The following DSCAM variants were observed in gnomAD, a reference collection of about 807,000 sequenced individuals.
DSCAM encodes cell adhesion molecule DSCAM.
Under a neutral mutation model 217.7 loss-of-function variants are expected in DSCAM, and 47 were observed. The observed-to-expected ratio is 0.22, with a 90% CI of 0.17 to 0.28. The LOEUF (loss-of-function observed/expected upper bound fraction) is 0.28. DSCAM is among the 10% of genes least tolerant of loss of function. DSCAM has a pLI of 1.00. For missense variants in DSCAM, 2,080 were observed against 2,618.3 expected, an observed-to-expected ratio of 0.79 and a Z score of 4.49; for synonymous variants, 1,056 against 1,015.3, an observed-to-expected ratio of 1.04 and a Z score of -0.76.
At chr21:40,481,043 T>A (rs2145987102) in intron 3 of DSCAM, among the ~76,000 whole-genome samples, 1 of 152,330 alleles carries the variant, frequency 6.6e-6, no homozygotes, top group African/African-American at 2.4e-5. Flanking sequence ...CCGCACCAGA[T>A]GCGGCCCTTT....
Position 40,152,130 on chromosome 21 carries a change from C to A in DSCAM, c.3019-7399G>T, listed in dbSNP as rs201079920. 6.0e-3 allele frequency among the ~76,000 whole-genome samples: 877 copies of A among 147,142 alleles called. 5 individuals are homozygous for A. Among genetic ancestry groups the A allele is most frequent in the Middle Eastern group, 0.024 (7 of 290 alleles). On this transcript the variant is annotated intron_variant, in intron 16 of 32. Coordinates refer to ENST00000400454, the MANE Select transcript of DSCAM (RefSeq NM_001389.5). ...GTAAGCATATGGAAAAAAAAAAACACAAAAAAAACAAAAAACTAAGGGCTC... is the reference window on the plus strand; with the variant it reads ...GTAAGCATATGGAAAAAAAAAAACAAAAAAAAAACAAAAAACTAAGGGCTC...
chr21:40,818,343 G>T (rs2091899913), intron 1 of DSCAM, among the ~76,000 whole-genome samples: 1 of 151,234 alleles, frequency 6.6e-6, no homozygotes, highest in African/African-American at 2.4e-5. Flanking sequence ...TCAGGAGAAT[G>T]AGACCATCCT....
At chr21:40,079,934 T>C (rs2089429955) in intron 25 of DSCAM, among the ~76,000 whole-genome samples, 2 of 152,032 alleles carry the variant, frequency 1.3e-5, no homozygotes, top group Non-Finnish European at 2.9e-5. Flanking sequence ...CTGACATTCT[T>C]CTTTTTAACT....
chr21:40,698,869 TAAAAAAAA>T (rs56775350), intron 2 of DSCAM, among the ~76,000 whole-genome samples: 1 of 107,970 alleles, frequency 9.3e-6, no homozygotes, highest in Non-Finnish European at 1.8e-5. Context: ...GAATCCGTCT[TAAAAAAAA>T]AAAAAAAAAA....
chr21:40,025,410 C>CT (rs1392477080), intron 32 of DSCAM, among the ~76,000 whole-genome samples: 3 of 144,348 alleles, frequency 2.1e-5, no homozygotes, highest in Non-Finnish European at 4.5e-5. Flanking sequence ...AGGATTCCCT[C>CT]TTTTTCTATT....
At position 40,133,966 on chromosome 21, in the gene DSCAM, C is replaced by T. The variant is rs1276436709; in HGVS notation, c.3450G>A (p.Leu1150=). The T allele has an allele frequency of 1.9e-6, 3 of 1,613,280 alleles. No individual in the cohort carries two copies. The African/African-American group carries it at 4.0e-5, about 22-fold the overall frequency. The change falls in exon 19 of 33, where the codon CTG becomes CTA. Residue 1150 remains leucine, a synonymous_variant. Transcript: ENST00000400454. Reference sequence around the variant, plus strand: ...TGTACTTTTCCAGCCCGTCCAGCTCCAGTGAAGGCTGTGTGGTGGTGATGT... The same window carrying T: ...TGTACTTTTCCAGCCCGTCCAGCTCTAGTGAAGGCTGTGTGGTGGTGATGT... The part of the protein sequence containing the change: ...IKNITTTQPS[L]ELDGLEKYTN...
At chr21:40,690,150 GT>G (rs2090523717) in intron 3 of DSCAM, among the ~76,000 whole-genome samples, 1 of 152,190 alleles carries the variant, frequency 6.6e-6, no homozygotes, top group Admixed American at 6.5e-5. Flanking sequence ...GATCTCCAAT[GT>G]TTTAAACCAT....
At position 40,462,870 on chromosome 21, in the gene DSCAM, G is replaced by A. The variant is rs183428909; in HGVS notation, c.509-93625C>T. Among the ~76,000 whole-genome samples the A allele has an allele frequency of 1.6e-3, 251 of 152,244 alleles. 2 individuals are homozygous for A. The highest frequency in any genetic ancestry group is 4.6e-3 in the Admixed American group (70 of 15,300). On this transcript the variant is annotated intron_variant, in intron 3 of 32. Transcript: ENST00000400454. ...ATGGTAAATGTGGGGGCCAGGAGAA[G>A]AGTCATTTCCCAACCCCCAGTCATT... is the stretch of plus-strand genomic sequence containing the variant.
chr21:40,213,445 T>G (rs1387933940), intron 11 of DSCAM, among the ~76,000 whole-genome samples: 5 of 152,246 alleles, frequency 3.3e-5, no homozygotes, highest in African/African-American at 1.2e-4. Flanking sequence ...CTTTCAAGTT[T>G]CCACCAAAAT....
chr21:40,696,883 T>G (rs2090601726), intron 2 of DSCAM, among the ~76,000 whole-genome samples: 1 of 152,212 alleles, frequency 6.6e-6, no homozygotes, highest in Non-Finnish European at 1.5e-5. Context: ...GGAATATCAA[T>G]CACTTCAATC....
At chr21:40,182,644 A>AG (rs1159409661) in intron 14 of DSCAM, among the ~76,000 whole-genome samples, 1 of 51,448 alleles carries the variant, frequency 1.9e-5, no homozygotes, top group Non-Finnish European at 3.5e-5. Flanking sequence ...CGTGGACAGG[A>AG]GGGGGTTACC....
chr21:40,304,527 G>C lies in DSCAM; in HGVS notation c.2062+7554C>G, dbSNP rs535407494. On this transcript the variant is annotated intron_variant, in intron 9 of 32. Transcript: ENST00000400454. ...CTTTGTGTTTACAATGTGGCAAACA[G>C]TTTGGCATAGGAAGCCCAGCTTCCG... Among the ~76,000 whole-genome samples the C allele has an allele frequency of 8.5e-5, 13 of 152,362 alleles. No homozygotes were observed. In the East Asian group the frequency reaches 2.1e-3, roughly 25 times the overall value.
intron 5 of DSCAM, among the ~76,000 whole-genome samples, chr21:40,348,767 T>G (rs890389901): frequency 3.3e-5 from 5 of 152,208 alleles, no homozygotes; most frequent in African/African-American, 1.2e-4. Context: ...GCTTTATTTC[T>G]CTTTGCAACA....
intron 3 of DSCAM, among the ~76,000 whole-genome samples, chr21:40,546,424 T>C (rs1325875567): frequency 6.6e-6 from 1 of 152,176 alleles, no homozygotes; most frequent in African/African-American, 2.4e-5. Context: ...GTCTGACAGA[T>C]CTGGATTCAA....
At chr21:40,366,592 T>C (rs1257171097) in intron 4 of DSCAM, among the ~76,000 whole-genome samples, 1 of 152,192 alleles carries the variant, frequency 6.6e-6, no homozygotes, top group African/African-American at 2.4e-5. Context: ...TGTAGTTACT[T>C]ATAATCAAAA....
At chr21:40,497,440 G>T (rs2076127876) in intron 3 of DSCAM, among the ~76,000 whole-genome samples, 1 of 141,454 alleles carries the variant, frequency 7.1e-6, no homozygotes, top group Admixed American at 7.0e-5. Context: ...GAAGTAGTGA[G>T]TAGAATGGTG....
At chr21:40,210,370 A>G (rs939571579) in intron 11 of DSCAM, among the ~76,000 whole-genome samples, 13 of 152,140 alleles carry the variant, frequency 8.5e-5, no homozygotes, top group African/African-American at 3.1e-4. Flanking sequence ...ACAAAGCTAA[A>G]GTTTTGCAAT....
intron 1 of DSCAM, among the ~76,000 whole-genome samples, chr21:40,734,559 C>T (rs562495264): frequency 6.6e-6 from 1 of 152,328 alleles, no homozygotes; most frequent in South Asian, 2.1e-4. Flanking sequence ...TAAATCACTG[C>T]ACTTTCTTCT....
intron 3 of DSCAM, among the ~76,000 whole-genome samples, chr21:40,430,294 A>G (rs1156328096): frequency 6.6e-6 from 1 of 152,192 alleles, no homozygotes; most frequent in African/African-American, 2.4e-5. Context: ...CAAAGTATTG[A>G]TCCTGGGTGT....
Sources: gnomAD v4.1 joint callset for allele counts (sites outside exome capture counted in the v4.1 genomes callset) on GRCh38, gnomAD v4.1.1 for gene constraint, MANE v1.5 for transcripts, NCBI Gene and HGNC (gene_info 2026-07-23, HGNC 2026-07-21) for gene names.